The following PTPRM variants were observed in gnomAD, a reference collection of about 807,000 sequenced individuals.
PTPRM encodes the protein protein tyrosine phosphatase receptor type M.
In PTPRM, 47 loss-of-function variants were observed where a neutral mutation model predicts 186.7. The observed-to-expected ratio is 0.25, with a 90% CI of 0.20 to 0.32. The LOEUF is 0.32. PTPRM is among the 10% of genes least tolerant of loss of function. The pLI, the probability that PTPRM is intolerant of heterozygous loss-of-function variation, is 1.00. For missense variants in PTPRM, 1,494 were observed against 1,865.0 expected, an observed-to-expected ratio of 0.80 and a Z score of 3.66; for synonymous variants, 668 against 674.9, an observed-to-expected ratio of 0.99 and a Z score of 0.16.
intron 7 of PTPRM, among the ~76,000 whole-genome samples, chr18:8,004,340 C>T (rs1332096033): frequency 1.3e-5 from 2 of 151,886 alleles, no homozygotes; most frequent in East Asian, 3.9e-4. Context: ...GTGTGTGTGC[C>T]ATGTGAGTAA....
At chr18:7,873,510 G>A (rs1199169462) in intron 2 of PTPRM, among the ~76,000 whole-genome samples, 4 of 152,182 alleles carry the variant, frequency 2.6e-5, no homozygotes, top group African/African-American at 9.7e-5. Context: ...TTACCGAAGG[G>A]ACCAAATGAC....
intron 7 of PTPRM, among the ~76,000 whole-genome samples, chr18:7,998,423 C>T (rs2083669546): frequency 6.6e-6 from 1 of 152,100 alleles, no homozygotes; most frequent in Non-Finnish European, 1.5e-5. Flanking sequence ...GATTATTACA[C>T]ATTGTATACA....
intron 7 of PTPRM, among the ~76,000 whole-genome samples, chr18:8,068,755 C>G (rs897636854): frequency 6.6e-6 from 1 of 152,148 alleles, no homozygotes; most frequent in African/African-American, 2.4e-5. Flanking sequence ...TTTCCAATTA[C>G]ATGATTATAA....
chr18:7,570,184 T>A (rs1265886358), intron 1 of PTPRM, among the ~76,000 whole-genome samples: 8 of 152,246 alleles, frequency 5.3e-5, no homozygotes, highest in African/African-American at 9.6e-5. Flanking sequence ...CAGATATGTT[T>A]CACTTCATTA....
intron 1 of PTPRM, among the ~76,000 whole-genome samples, chr18:7,586,177 C>A (rs2036973843): frequency 6.6e-6 from 1 of 152,162 alleles, no homozygotes. Context: ...GTTTGTAGTT[C>A]TTTGTCTACA....
intron 21 of PTPRM, among the ~76,000 whole-genome samples, chr18:8,317,513 C>A (rs112792650): frequency 6.6e-6 from 1 of 152,074 alleles, no homozygotes; most frequent in Non-Finnish European, 1.5e-5. Flanking sequence ...AGTGTACAGA[C>A]GAGCTTGAAG....
intron 2 of PTPRM, among the ~76,000 whole-genome samples, chr18:7,831,357 T>G (rs927021442): frequency 1.3e-5 from 2 of 152,180 alleles, no homozygotes; most frequent in Admixed American, 6.6e-5. Context: ...AGGGAAAGCC[T>G]TCCTGAGTTA....
chr18:7,949,402 G>A (rs746459276), intron 6 of PTPRM, 47 bp downstream of exon 6: 14 of 1,478,170 alleles, frequency 9.5e-6, no homozygotes, highest in South Asian at 1.3e-5. Context: ...AAGTAGATAT[G>A]TTAGGTGTTG....
intron 1 of PTPRM, among the ~76,000 whole-genome samples, chr18:7,757,036 T>C (rs1372477426): frequency 6.6e-6 from 1 of 152,236 alleles, no homozygotes; most frequent in East Asian, 1.9e-4. Flanking sequence ...ACACACACCA[T>C]GGCCTTCTCA....
chr18:7,700,975 C>CAAAAAA (rs1262649146), intron 1 of PTPRM, among the ~76,000 whole-genome samples: 10 of 60,944 alleles, frequency 1.6e-4, no homozygotes, highest in Admixed American at 4.1e-4. Context: ...GAGCCTATCT[C>CAAAAAA]AAAAAAAAAA....
intron 14 of PTPRM, among the ~76,000 whole-genome samples, chr18:8,150,413 A>C (rs916687483): frequency 2.6e-5 from 4 of 151,974 alleles, no homozygotes; most frequent in African/African-American, 7.3e-5. Context: ...AGTCTCTGAC[A>C]TCCTTTTTTC....
chr18:8,200,664 C>T (rs2093843370), intron 14 of PTPRM, among the ~76,000 whole-genome samples: 1 of 152,208 alleles, frequency 6.6e-6, no homozygotes, highest in Non-Finnish European at 1.5e-5. Flanking sequence ...AAGTTGTAGT[C>T]TTTTATTTTA....
chr18:7,695,220 G>A (rs530321170), intron 1 of PTPRM, among the ~76,000 whole-genome samples: 6 of 152,162 alleles, frequency 3.9e-5, no homozygotes, highest in Non-Finnish European at 8.8e-5. Context: ...CCTACAAACC[G>A]GAAAGGAGTC....
rs73941018 is a variant in PTPRM at position 7,859,303 on chromosome 18, G to C, written c.197-28803G>C. 8.7e-3 allele frequency among the ~76,000 whole-genome samples: 1,317 copies of C among 152,242 alleles called. 13 individuals carry two copies. The highest frequency in any genetic ancestry group is 0.03 in the African/African-American group (1,239 of 41,542). On this transcript the variant is annotated intron_variant, in intron 2 of 32. Transcript: ENST00000580170. ...ATCTTCTTGGCCATTCTTTTCTGCT[G>C]TGCTTCCCTGATCCCCCTCTAGGGA... is the stretch of plus-strand genomic sequence containing the variant.
Position 8,264,724 on chromosome 18 carries a change from C to T in PTPRM, c.2754+11310C>T, listed in dbSNP as rs937519420. Among the ~76,000 whole-genome samples, 4 of 147,352 alleles carry T rather than the reference C, an allele frequency of 2.7e-5. No individual in the cohort carries two copies. The East Asian group carries it at 6.0e-4, about 22-fold the overall frequency. On this transcript the variant is annotated intron_variant, in intron 19 of 32. Coordinates refer to ENST00000580170, the MANE Select transcript of PTPRM (RefSeq NM_001105244.2). ...GTGGAGGTTGCAGTGAGCAGAGATCCGAGATTGCACCACTGCACTCCTGCG... is the reference window on the plus strand; with the variant it reads ...GTGGAGGTTGCAGTGAGCAGAGATCTGAGATTGCACCACTGCACTCCTGCG...
chr18:8,017,886 G>A (rs987218631), intron 7 of PTPRM: 76 of 152,188 alleles, frequency 5.0e-4, no homozygotes, highest in African/African-American at 1.8e-3. Context: ...GGGAAGTACA[G>A]AGATAAAACA....
chr18:8,226,072 A>G (rs1327478070), intron 14 of PTPRM, among the ~76,000 whole-genome samples: 1 of 152,224 alleles, frequency 6.6e-6, no homozygotes, highest in African/African-American at 2.4e-5. Context: ...TCAACAAATT[A>G]TAAGATGCCA....
intron 3 of PTPRM, among the ~76,000 whole-genome samples, chr18:7,904,404 C>T (rs2049867240): frequency 6.6e-6 from 1 of 152,126 alleles, no homozygotes. Context: ...TGTAAGCAAA[C>T]CCATCTCCCT....
At chr18:8,233,444 G>T (rs142441355) in intron 14 of PTPRM, among the ~76,000 whole-genome samples, 1 of 152,082 alleles carries the variant, frequency 6.6e-6, no homozygotes, top group Admixed American at 6.5e-5. Context: ...TTATATGCTC[G>T]TTTGCTATGT....
Sources: gnomAD v4.1 joint callset for allele counts (sites outside exome capture counted in the v4.1 genomes callset) on GRCh38, gnomAD v4.1.1 for gene constraint, MANE v1.5 for transcripts, NCBI Gene and HGNC (gene_info 2026-07-23, HGNC 2026-07-21) for gene names.